The following PAX3 variants were observed in gnomAD, a reference collection of about 807,000 sequenced individuals.
The protein encoded by PAX3 is paired box 3.
Under a neutral mutation model 51.6 loss-of-function variants are expected in PAX3, and 14 were observed. That is an observed-to-expected ratio of 0.27 (90% confidence interval 0.18 to 0.42). PAX3 has a LOEUF of 0.42. Ranked by LOEUF, PAX3 falls within the 10% of genes least tolerant of loss-of-function variation. PAX3 has a pLI of 1.00. For synonymous variants in PAX3, 280 were observed against 253.4 expected (o/e 1.11, Z -1.00); for missense variants, 540 against 642.8 (o/e 0.84, Z 1.73).
intron 2 of PAX3, among the ~76,000 whole-genome samples, chr2:222,296,233 C>T (rs1695288775): frequency 6.6e-6 from 1 of 152,176 alleles, no homozygotes; most frequent in Non-Finnish European, 1.5e-5. Flanking sequence ...TCCAAAGATT[C>T]TTAGAAAGGC....
At chr2:222,208,752 G>A (rs1691608495) in intron 7 of PAX3, among the ~76,000 whole-genome samples, 1 of 152,124 alleles carries the variant, frequency 6.6e-6, no homozygotes, top group South Asian at 2.1e-4. Context: ...TTCATTTCAT[G>A]ACTACTCTAG....
intron 4 of PAX3, among the ~76,000 whole-genome samples, chr2:222,280,411 A>G (rs1005850331): frequency 3.4e-5 from 5 of 147,300 alleles, no homozygotes; most frequent in African/African-American, 1.3e-4. Context: ...AGAAAGAAAG[A>G]AAAAAGAAAG....
At chr2:222,296,065 G>C (rs1262529616) in intron 2 of PAX3, among the ~76,000 whole-genome samples, 2 of 152,238 alleles carry the variant, frequency 1.3e-5, no homozygotes, top group African/African-American at 4.8e-5. Context: ...TCTGCAACTT[G>C]TGCTTTTCCA....
chr2:222,219,679 G>A, intron 7 of PAX3, among the ~76,000 whole-genome samples: 1 of 152,106 alleles, frequency 6.6e-6, no homozygotes, highest in South Asian at 2.1e-4. Flanking sequence ...CTTCCTCTCT[G>A]ATTGTTTTGT....
intron 4 of PAX3, among the ~76,000 whole-genome samples, chr2:222,271,579 C>G (rs375849766): frequency 6.6e-6 from 1 of 152,088 alleles, no homozygotes; most frequent in Non-Finnish European, 1.5e-5. Flanking sequence ...AGGGAAAAAC[C>G]TTTTTTTCAC....
Position 222,220,374 on chromosome 2 carries a change from C to T in PAX3, c.959-20G>A, listed in dbSNP as rs923094012. On this transcript the variant is annotated intron_variant, in intron 6 of 8. Coordinates refer to ENST00000392070, the MANE Select transcript of PAX3 (RefSeq NM_181458.4). Reference sequence around the variant, plus strand: ...ACACAGCTGAAATGAAAAAGATTGTCAACCATCATGTTTTCTTTTAGGCCA... The same window carrying T: ...ACACAGCTGAAATGAAAAAGATTGTTAACCATCATGTTTTCTTTTAGGCCA... The T allele has an allele frequency of 1.9e-6, 3 of 1,611,892 alleles. No homozygotes were observed. Among genetic ancestry groups the T allele is most frequent in the East Asian group, 2.2e-5 (1 of 44,786 alleles).
chr2:222,247,194 G>T (rs894411077), intron 4 of PAX3, among the ~76,000 whole-genome samples: 1 of 152,096 alleles, frequency 6.6e-6, no homozygotes. Flanking sequence ...AAGTAGGAGG[G>T]GGCTCTTCAA....
Position 222,200,363 on chromosome 2 carries a change from C to T in PAX3, c.*1045G>A, listed in dbSNP as rs1156778322. ...TTCATAGAAAAGAGAAGAATGTAAA[C>T]GTAATCAGTTTAAAAGCATAATTAT... On this transcript the variant is annotated 3_prime_UTR_variant, in exon 9 of 9. Coordinates refer to ENST00000392070, the MANE Select transcript of PAX3 (RefSeq NM_181458.4). 8.9e-6 allele frequency: 2 copies of T among 224,424 alleles called. No individual in the cohort carries two copies. Among genetic ancestry groups the T allele is most frequent in the African/African-American group, 2.2e-5 (1 of 44,858 alleles). 13.9% of individuals were successfully genotyped at this position (224,424 alleles called of 1,614,324 possible).
At chr2:222,201,594 C>T in intron 8 of PAX3, 152 bp from the exon 9 acceptor site, 2 of 1,298,154 alleles carry the variant, frequency 1.5e-6, no homozygotes, top group Non-Finnish European at 2.2e-6. Flanking sequence ...TTTGACACAA[C>T]TTTGTGTCCC....
chr2:222,261,601 C>CA (rs61534527), intron 4 of PAX3, among the ~76,000 whole-genome samples: 3,052 of 109,122 alleles, frequency 0.028, 37 homozygotes, highest in Middle Eastern at 0.13. Context: ...ACAACAACAA[C>CA]AAAAAAAAAA....
In PAX3 at chr2:222,201,112, A is replaced by G. The variant is rs1312900580; in HGVS notation, c.*296T>C. On this transcript the variant is annotated 3_prime_UTR_variant, in exon 9 of 9. Coordinates refer to ENST00000392070, the MANE Select transcript of PAX3 (RefSeq NM_181458.4). ...AGCTCCTCGATGATCAGCACTAAAGAATTGGGATGTTTTGATATGTAACCA... is the reference window on the plus strand; with the variant it reads ...AGCTCCTCGATGATCAGCACTAAAGGATTGGGATGTTTTGATATGTAACCA... The G allele has an allele frequency of 1.3e-6, 2 of 1,560,302 alleles. No homozygotes were observed. Among genetic ancestry groups the G allele is most frequent in the Non-Finnish European group, 1.8e-6 (2 of 1,132,572 alleles).
At chr2:222,219,616 T>C (rs1692104147) in intron 7 of PAX3, among the ~76,000 whole-genome samples, 1 of 152,194 alleles carries the variant, frequency 6.6e-6, no homozygotes, top group African/African-American at 2.4e-5. Context: ...TATAACTCGT[T>C]TATTCCAGAG....
Position 222,294,017 on chromosome 2 carries a change from A to G in PAX3, c.586+150T>C, listed in dbSNP as rs923593728. The stretch of plus-strand genomic sequence containing the variant: ...ATTCCTAGTGTCCCTCTGGTCTTTC[A>G]GTTCCATGTCGTTACTCAGGCGCAG... On this transcript the variant is annotated intron_variant, in intron 4 of 8. Transcript: ENST00000392070. The G allele has an allele frequency of 5.2e-6, 8 of 1,546,606 alleles. No homozygotes were observed. In the African/African-American group the frequency reaches 1.1e-4, roughly 21 times the overall value.
chr2:222,230,417 TG>T (rs1345728737), intron 5 of PAX3, among the ~76,000 whole-genome samples: 5 of 55,606 alleles, frequency 9.0e-5, no homozygotes, highest in Admixed American at 1.9e-4. Flanking sequence ...TGTTGGGGGG[TG>T]GGGGGCTAGG....
intron 7 of PAX3, among the ~76,000 whole-genome samples, chr2:222,213,873 G>A (rs1370924): frequency 0.15 from 22,859 of 152,050 alleles, 2,228 homozygotes; most frequent in East Asian, 0.28. Flanking sequence ...ACCCAAAAAC[G>A]TCCCAAAAAA....
chr2:222,238,966 A>T (rs1050208428), intron 4 of PAX3, among the ~76,000 whole-genome samples: 2 of 152,186 alleles, frequency 1.3e-5, no homozygotes, highest in Non-Finnish European at 2.9e-5. Context: ...GGGACAACTA[A>T]CTGTTTTCTG....
In PAX3 at chr2:222,202,177, A is replaced by G. The variant is rs1415590074; in HGVS notation, c.1187T>C (p.Leu396Pro). 1 of 1,597,472 alleles carries G rather than the reference A, an allele frequency of 6.3e-7. No homozygotes were observed. The highest frequency in any genetic ancestry group is 8.5e-7 in the Non-Finnish European group (1 of 1,171,110). Residue 396 changes from leucine to proline, a missense_variant, in exon 8 of 9, where the codon CTG (leucine) becomes CCG (proline). Transcript: ENST00000392070. ...ATGAGGTACCCCACCGTGGTTGGTC[A>G]GGAGTCCCATTACCTAAAAAAACAG... Reference protein sequence around the residue: ...NGLSPQVMGLLTNHGGVPHQP... With the variant: ...NGLSPQVMGLPTNHGGVPHQP...
intron 4 of PAX3, among the ~76,000 whole-genome samples, chr2:222,238,955 T>A (rs1394729476): frequency 1.3e-5 from 2 of 152,168 alleles, no homozygotes; most frequent in Admixed American, 1.3e-4. Context: ...AAGGGTACAA[T>A]GGGACAACTA....
intron 4 of PAX3, among the ~76,000 whole-genome samples, chr2:222,251,184 A>G (rs989362986): frequency 5.3e-5 from 8 of 152,100 alleles, no homozygotes; most frequent in African/African-American, 1.7e-4. Flanking sequence ...TACATGTGCC[A>G]TGTTGGTGTG....
Sources: allele counts gnomAD v4.1 joint callset (sites outside exome capture counted in the v4.1 genomes callset), GRCh38; gene constraint gnomAD v4.1.1; transcripts MANE v1.5; gene names NCBI Gene and HGNC (gene_info 2026-07-23, HGNC 2026-07-21).